Variants in ZFYVE26 observed in about 807,000 individuals in gnomAD.
ZFYVE26 encodes the protein zinc finger FYVE domain-containing protein 26.
Under a neutral mutation model 276.5 loss-of-function variants are expected in ZFYVE26, and 181 were observed. The ratio of observed to expected loss-of-function variants is 0.65; its 90% CI spans 0.58 to 0.74. The LOEUF (loss-of-function observed/expected upper bound fraction) is 0.74. Ranked by LOEUF, ZFYVE26 falls within the 30% of genes least tolerant of loss-of-function variation. The pLI is 0.00. For synonymous variants in ZFYVE26, 1,129 were observed against 1,203.1 expected, an observed-to-expected ratio of 0.94 and a Z score of 1.27; for missense variants, 2,821 against 3,097.9, an observed-to-expected ratio of 0.91 and a Z score of 2.12.
chr14:67,729,636 G>A (rs1353418018), exon 14 of ZFYVE26: 3 of 615,014 alleles, frequency 4.9e-6, no homozygotes, highest in African/African-American at 3.7e-5. Context: ...CTTTCTGAAA[G>A]CTTTTAAAGA....
chr14:67,768,622 T>C, intron 29 of ZFYVE26, 74 bp from the exon 30 acceptor site: 1 of 1,445,878 alleles, frequency 6.9e-7, no homozygotes. Context: ...GTAGACAGCA[T>C]CAACTTACAG....
rs376300092 is a variant in ZFYVE26 at position 67,754,324 on chromosome 14, T to C, written c.6987-112A>G. On this transcript the variant is annotated intron_variant, in intron 37 of 41. Transcript: ENST00000347230. ...AATGAAAAAGGGAAAACAAATGATA[T>C]AGTGGGAAAAGAGACCTCAAGTACC... 6.7e-5 allele frequency: 96 copies of C among 1,437,678 alleles called. 1 individual carries two copies. In the East Asian group the frequency reaches 2.1e-3, roughly 31 times the overall value. 89.1% of individuals were successfully genotyped at this position (1,437,678 alleles called of 1,614,324 possible).
At chr14:67,741,646 A>T (rs1045649117), downstream of ZFYVE26, among the ~76,000 whole-genome samples, 4 of 152,244 alleles carry the variant, frequency 2.6e-5, no homozygotes, top group Non-Finnish European at 4.4e-5. Context: ...AGAAAGTGTG[A>T]TTAAACAGTA....
At chr14:67,779,461 C>T (rs1240160887) in intron 23 of ZFYVE26, among the ~76,000 whole-genome samples, 1 of 152,082 alleles carries the variant, frequency 6.6e-6, no homozygotes, top group Non-Finnish European at 1.5e-5. Context: ...ACTTGGGAGC[C>T]TGAGGCAGGA....
chr14:67,775,221 C>G, intron 26 of ZFYVE26, 107 bp from the exon 27 acceptor site: 2 of 730,604 alleles, frequency 2.7e-6, no homozygotes, highest in Non-Finnish European at 4.5e-6. Flanking sequence ...GATTGTCATT[C>G]CATGACTCTA....
rs2039056265 is a variant in ZFYVE26 at position 67,766,284 on chromosome 14, C to G, written c.5954G>C (p.Ser1985Thr). ...LTDIMKQLLF[S>T]AKMMFVKAGQ... Reference sequence around the variant, plus strand: ...GGCTTTGACGAACATCATCTTGGCGCTGAACAGCAGCTGCTTCATGATGTC... The same window carrying G: ...GGCTTTGACGAACATCATCTTGGCGGTGAACAGCAGCTGCTTCATGATGTC... The change falls in exon 32 of 42, where the codon AGC (serine) becomes ACC (threonine). Residue 1985 changes from serine to threonine, a missense_variant. Transcript: ENST00000347230. 1.9e-5 allele frequency: 31 copies of G among 1,613,994 alleles called. No individual in the cohort carries two copies. The highest frequency in any genetic ancestry group is 2.6e-5 in the Non-Finnish European group (31 of 1,180,038).
chr14:67,801,952 C>T (rs575761401), intron 10 of ZFYVE26, 127 bp downstream of exon 10: 63 of 1,031,334 alleles, frequency 6.1e-5, no homozygotes, highest in African/African-American at 2.8e-4. Flanking sequence ...ATGAAACTAT[C>T]CCTGGGTGAA....
chr14:67,787,966 T>C (rs2039699512), intron 16 of ZFYVE26, among the ~76,000 whole-genome samples: 1 of 152,164 alleles, frequency 6.6e-6, no homozygotes, highest in Admixed American at 6.6e-5. Flanking sequence ...CCCTAAATAA[T>C]AACAGTGGCT....
At chr14:67,771,985 C>T in intron 28 of ZFYVE26, 62 bp downstream of exon 28, 6 of 1,582,764 alleles carry the variant, frequency 3.8e-6, no homozygotes, top group South Asian at 1.1e-5. Context: ...AACTCAGGCT[C>T]ATGAACTAGA....
In ZFYVE26 at chr14:67,807,520, C is replaced by G; in HGVS notation, c.764G>C (p.Arg255Pro). ...EACRTEGSPL[R>P]EERLLSCLLH... ...CAGGCAGCTGAGCAGCCGCTCCTCC[C>G]GCAGGGGACTCCCCTCGGTCCTGCA... Residue 255 changes from arginine to proline, a missense_variant, in exon 5 of 42, where the codon CGG (arginine) becomes CCG (proline). Transcript: ENST00000347230. 1 of 1,614,188 alleles carries G rather than the reference C, an allele frequency of 6.2e-7. No homozygotes were observed. Among genetic ancestry groups the G allele is most frequent in the Non-Finnish European group, 8.5e-7 (1 of 1,180,032 alleles).
chr14:67,808,689 C>T (rs1429135772), intron 4 of ZFYVE26, among the ~76,000 whole-genome samples: 1 of 152,020 alleles, frequency 6.6e-6, no homozygotes, highest in African/African-American at 2.4e-5. Context: ...TTACCTAATA[C>T]AAGTGAAAGT....
At chr14:67,785,363 G>A in intron 18 of ZFYVE26, 86 bp from the exon 19 acceptor site, 3 of 1,255,046 alleles carry the variant, frequency 2.4e-6, no homozygotes, top group Non-Finnish European at 2.3e-6. Context: ...TATGTGAACT[G>A]TGCCCCCTAT....
rs17783094 is a variant in ZFYVE26, at chr14:67,816,203, G to A, written c.-83-157C>T. On this transcript the variant is annotated intron_variant, in intron 1 of 41. Coordinates refer to ENST00000347230, the MANE Select transcript of ZFYVE26 (RefSeq NM_015346.4). ...ACTTTTTGAAAACACTTTCTTCAAGGGGTGGATCCCATCTCTTCACGCGGA... is the reference window on the plus strand; with the variant it reads ...ACTTTTTGAAAACACTTTCTTCAAGAGGTGGATCCCATCTCTTCACGCGGA... Among the ~76,000 whole-genome samples the A allele has an allele frequency of 0.29, 44,064 of 152,054 alleles. 6,800 individuals carry two copies. The highest frequency in any genetic ancestry group is 0.43 in the Middle Eastern group (125 of 294).
chr14:67,772,600 G>T (rs374714469), intron 27 of ZFYVE26, among the ~76,000 whole-genome samples: 3 of 152,000 alleles, frequency 2.0e-5, no homozygotes, highest in Admixed American at 6.6e-5. Context: ...AAAGAGGTAG[G>T]GGGGATAAAC....
intron 6 of ZFYVE26, 121 bp downstream of exon 6, chr14:67,806,424 A>C (rs2040181521): frequency 1.5e-6 from 2 of 1,307,284 alleles, no homozygotes; most frequent in Admixed American, 3.7e-5. Context: ...ACAAAACCAA[A>C]TGACTCAACA....
At chr14:67,785,298 G>C in intron 18 of ZFYVE26, 21 bp from the exon 19 acceptor site, 3 of 1,572,072 alleles carry the variant, frequency 1.9e-6, no homozygotes, top group Non-Finnish European at 2.6e-6. Flanking sequence ...GATGGCAGGA[G>C]AAAGGACACA....
chr14:67,772,660 T>A (rs1594901609), intron 27 of ZFYVE26, among the ~76,000 whole-genome samples: 1 of 152,284 alleles, frequency 6.6e-6, no homozygotes, highest in Admixed American at 6.5e-5. Flanking sequence ...AAGAGGCTGG[T>A]GCAGTGGCTC....
Position 67,790,778 on chromosome 14 carries a change from C to T in ZFYVE26, c.2554-5G>A, listed in dbSNP as rs1422460981. Reference sequence around the variant, plus strand: ...CAGGTTGAACGTGAACAGCACCTGTCATAGGAGAGGGAGTGTGTGGGCCCT... The same window carrying T: ...CAGGTTGAACGTGAACAGCACCTGTTATAGGAGAGGGAGTGTGTGGGCCCT... On this transcript the variant is annotated splice_polypyrimidine_tract_variant and splice_region_variant and intron_variant, in intron 14 of 41. Coordinates refer to ENST00000347230, the MANE Select transcript of ZFYVE26 (RefSeq NM_015346.4). 6.2e-7 allele frequency: 1 copy of T among 1,613,596 alleles called. No individual in the cohort carries two copies. The highest frequency in any genetic ancestry group is 8.5e-7 in the Non-Finnish European group (1 of 1,179,812).
intron 40 of ZFYVE26, 189 bp from the exon 41 acceptor site, chr14:67,751,285 G>A (rs2038635520): frequency 1.5e-6 from 1 of 674,876 alleles, no homozygotes; most frequent in East Asian, 2.7e-5. Flanking sequence ...TCACAGGCAT[G>A]ATCCCACTAT....
Sources: allele counts gnomAD v4.1 joint callset (sites outside exome capture counted in the v4.1 genomes callset), GRCh38; gene constraint gnomAD v4.1.1; transcripts MANE v1.5; gene names NCBI Gene and HGNC (gene_info 2026-07-23, HGNC 2026-07-21).